The following ARHGEF1 variants were observed in gnomAD, a reference collection of about 807,000 sequenced individuals.
ARHGEF1 encodes Rho guanine nucleotide exchange factor 1.
Under a neutral mutation model 119.7 loss-of-function variants are expected in ARHGEF1, and 40 were observed. The ratio of observed to expected loss-of-function variants is 0.33; its 90% CI spans 0.26 to 0.44. The LOEUF is 0.44. ARHGEF1 is among the 20% of genes least tolerant of loss of function. The probability of loss-of-function intolerance (pLI) is 1.00; values close to 1 mark genes in which losing one functional copy is unlikely to be tolerated. For synonymous variants in ARHGEF1, 494 were observed against 521.0 expected (o/e 0.95, Z 0.71); for missense variants, 976 against 1,268.3 (o/e 0.77, Z 3.50).
At position 41,888,205 on chromosome 19, in the gene ARHGEF1, C is replaced by T. The variant is rs1555845552; in HGVS notation, c.38C>T (p.Pro13Leu). The change falls in exon 3 of 29, where the codon CCC becomes CTC. Residue 13 changes from proline (P) to leucine (L), a missense_variant. By Grantham distance (98) the Pro-to-Leu change is moderately conservative. This residue lies in a region of ARHGEF1 where 519 missense variants were observed against 580.9 expected (regional missense o/e 0.89). Transcript: ENST00000354532. The surrounding 1 kb of genome is among the most constrained non-coding windows in gnomAD (Gnocchi z 5.1). ...CCCTTTCCACAGGCCTCCCCAGGCC[C>T]CTCCCGGCCTGGCCTGGTTCCCGTC... ...DFARGAASPG[P>L]SRPGLVPVSI... 2 of 1,614,156 alleles carry T rather than the reference C, an allele frequency of 1.2e-6. No individual in the cohort carries two copies. Among genetic ancestry groups the T allele is most frequent in the Non-Finnish European group, 1.7e-6 (2 of 1,180,012 alleles).
chr19:41,888,723 A>G lies in ARHGEF1; in HGVS notation c.112-29A>G. 2 of 1,604,150 alleles carry G rather than the reference A, an allele frequency of 1.2e-6. No homozygotes were observed. Among genetic ancestry groups the G allele is most frequent in the Non-Finnish European group, 1.7e-6 (2 of 1,171,142 alleles). On this transcript the variant is annotated intron_variant, in intron 3 of 28. Transcript: ENST00000354532. The surrounding 1 kb of genome is among the most constrained non-coding windows in gnomAD (Gnocchi z 5.1). ...CCCTAAGGCCCCTCCTCTTCTCCCC[A>G]TTGTACTCACCCCTTCCTGCACCCC...
At position 41,884,514 on chromosome 19, in the gene ARHGEF1, C is replaced by T. The variant is rs527678172; in HGVS notation, c.-20+1225C>T. On this transcript the variant is annotated intron_variant, in intron 1 of 28. Transcript: ENST00000354532. ...AGCAGGTGAGGGACGCGGTCCCCAGCGGGTGTCAGACCCTGACTCTGCACG... is the reference window on the plus strand; with the variant it reads ...AGCAGGTGAGGGACGCGGTCCCCAGTGGGTGTCAGACCCTGACTCTGCACG... The T allele has an allele frequency of 4.4e-6, 7 of 1,605,786 alleles. No individual in the cohort carries two copies. In the East Asian group the frequency reaches 6.7e-5, roughly 15 times the overall value.
chr19:41,884,447 G>C (rs782579849), intron 1 of ARHGEF1: 1 of 1,605,662 alleles, frequency 6.2e-7, no homozygotes, highest in South Asian at 1.1e-5. Flanking sequence ...GAGCGCGGAG[G>C]CTTCGGTTCC....
downstream of ARHGEF1, chr19:41,909,882 TGTC>T: frequency 6.2e-7 from 1 of 1,612,714 alleles, no homozygotes; most frequent in Non-Finnish European, 8.5e-7. The surrounding 1 kb of genome is among the most constrained non-coding windows in gnomAD (Gnocchi z 5.2). Context: ...CGGCTCAGCT[TGTC>T]GTAATTCATG....
Position 41,906,008 on chromosome 19 carries a change from C to A in ARHGEF1, c.2474C>A (p.Ala825Asp). 6.2e-7 allele frequency: 1 copy of A among 1,614,022 alleles called. No homozygotes were observed. The highest frequency in any genetic ancestry group is 8.5e-7 in the Non-Finnish European group (1 of 1,179,970). ...CRPGPEGQLAATALRKVLSLK... is the reference protein window; with the variant it reads ...CRPGPEGQLADTALRKVLSLK... ...CCAGGCCCCGAGGGCCAGCTCGCTG[C>A]CACGGCCCTTCGGAAAGGTAGCCCA... The change falls in exon 26 of 29, where the codon GCC becomes GAC. Residue 825 changes from alanine to aspartate, a missense_variant. Ala to Asp is a moderately radical substitution (Grantham distance 126, BLOSUM62 -2). This residue lies in a region of ARHGEF1 where 171 missense variants were observed against 180.6 expected (regional missense o/e 0.95). Transcript: ENST00000354532. This position sits in a 1 kb window ranked among gnomAD's most constrained non-coding sequence, Gnocchi z 4.5.
chr19:41,909,842 C>T (rs376564893), downstream of ARHGEF1: 18 of 1,584,950 alleles, frequency 1.1e-5, no homozygotes, highest in African/African-American at 2.1e-4. This position sits in a 1 kb window ranked among gnomAD's most constrained non-coding sequence, Gnocchi z 5.2. Context: ...AGGTGGGATC[C>T]AGCCCCAAGC....
chr19:41,903,792 C>T lies in ARHGEF1; in HGVS notation c.1917+8C>T. The T allele has an allele frequency of 6.2e-7, 1 of 1,612,802 alleles. No homozygotes were observed. Among genetic ancestry groups the T allele is most frequent in the Non-Finnish European group, 8.5e-7 (1 of 1,179,886 alleles). On this transcript the variant is annotated splice_region_variant and intron_variant, in intron 20 of 28. Coordinates refer to ENST00000354532, the MANE Select transcript of ARHGEF1 (RefSeq NM_004706.4). The surrounding 1 kb of genome is among the most constrained non-coding windows in gnomAD (Gnocchi z 4.2). ...ATGCTGAGCGAGTTCAAGGTGTGAC[C>T]ATACCCTCCTGCCTCCCCCGCCCCC...
chr19:41,896,350 G>T, intron 12 of ARHGEF1, 27 bp from the exon 13 acceptor site: 3 of 1,255,146 alleles, frequency 2.4e-6, no homozygotes, highest in South Asian at 5.9e-5. Flanking sequence ...AGGCCTTCCA[G>T]CCAGCCCTGC....
At chr19:41,898,846 A>G (rs1230514847) in intron 14 of ARHGEF1, among the ~76,000 whole-genome samples, 3 of 152,216 alleles carry the variant, frequency 2.0e-5, no homozygotes, top group Non-Finnish European at 4.4e-5. Flanking sequence ...AGAACACTGC[A>G]TTTCTGGTGC....
At position 41,926,170 on chromosome 19, in the gene ARHGEF1, G is replaced by C. The variant is rs2074869450; in HGVS notation, c.141-2661G>C. 2.6e-5 allele frequency among the ~76,000 whole-genome samples: 4 copies of C among 152,006 alleles called. No individual in the cohort carries two copies. In the South Asian group the frequency reaches 8.3e-4, roughly 32 times the overall value. On this transcript the variant is annotated intron_variant, in intron 1 of 2. Coordinates refer to the ARHGEF1 transcript ENST00000594417. ...TGCAGGGATTCCAGTGGAAGGGGCA[G>C]ATTTTAGAGAACAGGTATTACCTGG...
In ARHGEF1 at chr19:41,905,468, G is replaced by A. The variant is rs1009099352; in HGVS notation, c.2336+207G>A. Reference sequence around the variant, plus strand: ...TGCATGCATGTGTGCGTGTGCATGTGTGTGCGTGTATGGTGTGTGTGTATG... The same window carrying A: ...TGCATGCATGTGTGCGTGTGCATGTATGTGCGTGTATGGTGTGTGTGTATG... On this transcript the variant is annotated intron_variant, in intron 24 of 28. Transcript: ENST00000354532. The surrounding 1 kb of genome is among the most constrained non-coding windows in gnomAD (Gnocchi z 6.4). The A allele has an allele frequency of 1.5e-5, 9 of 616,114 alleles. No individual in the cohort carries two copies. The highest frequency in any genetic ancestry group is 2.6e-5 in the Non-Finnish European group (9 of 350,958). The allele number at this position is 616,114 out of a possible 1,614,324, so 38.2% of individuals were successfully genotyped here.
intron 13 of ARHGEF1, chr19:41,897,314 G>A: frequency 7.9e-7 from 1 of 1,273,150 alleles, no homozygotes; most frequent in Non-Finnish European, 1.0e-6. Flanking sequence ...TCTCTCCCCA[G>A]AAGGTGGAAG....
chr19:41,908,801 T>G, downstream of ARHGEF1: 1 of 471,912 alleles, frequency 2.1e-6, no homozygotes, highest in Non-Finnish European at 3.2e-6. The surrounding 1 kb of genome is among the most constrained non-coding windows in gnomAD (Gnocchi z 6.7). Context: ...TCTTACCCCC[T>G]CATACAGCTT....
In ARHGEF1 at chr19:41,902,962, C is replaced by G; in HGVS notation, c.1738+64C>G. 7.4e-7 allele frequency: 1 copy of G among 1,359,844 alleles called. No individual in the cohort carries two copies. Among genetic ancestry groups the G allele is most frequent in the Non-Finnish European group, 9.9e-7 (1 of 1,006,054 alleles). 84.2% of individuals were successfully genotyped at this position (1,359,844 alleles called of 1,614,324 possible). On this transcript the variant is annotated intron_variant, in intron 18 of 28. Coordinates refer to ENST00000354532, the MANE Select transcript of ARHGEF1 (RefSeq NM_004706.4). The surrounding 1 kb of genome is among the most constrained non-coding windows in gnomAD (Gnocchi z 6.5). ...TTTTTTTTTTACATTTTTTTTCTCA[C>G]TCATTTTCATCAGTGATACCATCAC...
In ARHGEF1 at chr19:41,888,227, C is replaced by T. The variant is rs782652983; in HGVS notation, c.60C>T (p.Pro20=). ...GCCCCTCCCGGCCTGGCCTGGTTCC[C>T]GTCAGCATCATCGGGGCTGAGGATG... ...SPGPSRPGLV[P]VSIIGAEDED... The change falls in exon 3 of 29, where the codon CCC becomes CCT. Residue 20 remains proline (P), a synonymous_variant. Transcript: ENST00000354532. This position sits in a 1 kb window ranked among gnomAD's most constrained non-coding sequence, Gnocchi z 5.1. The T allele has an allele frequency of 1.1e-5, 17 of 1,613,932 alleles. No homozygotes were observed. Among genetic ancestry groups the T allele is most frequent in the Middle Eastern group, 1.6e-4 (1 of 6,082 alleles).
At chr19:41,897,346 G>T (rs781867501) in intron 13 of ARHGEF1, 2 of 1,257,172 alleles carry the variant, frequency 1.6e-6, no homozygotes, top group African/African-American at 3.1e-5. Context: ...TGGGCCCTGG[G>T]TGGGGGAAGG....
intron 4 of ARHGEF1, chr19:41,890,429 T>G (rs782802028): frequency 6.6e-6 from 1 of 151,148 alleles, no homozygotes; most frequent in Non-Finnish European, 1.5e-5. Flanking sequence ...GTAGATCACT[T>G]GAGATCAAGA....
chr19:41,890,017 C>A (rs534101948), intron 4 of ARHGEF1: 1 of 152,134 alleles, frequency 6.6e-6, no homozygotes, highest in East Asian at 1.9e-4. Flanking sequence ...GTGACCCCGG[C>A]GGCCTCTGGG....
At chr19:41,915,142 C>G (rs1184386797) in intron 18 of ARHGEF1, among the ~76,000 whole-genome samples, 12 of 121,158 alleles carry the variant, frequency 9.9e-5, no homozygotes, top group African/African-American at 4.0e-4. Flanking sequence ...GCCCCCACCC[C>G]CTATTGGCCC....
Sources: gnomAD v4.1 joint callset for allele counts (sites outside exome capture counted in the v4.1 genomes callset) on GRCh38, gnomAD v4.1.1 for gene constraint, gnomAD v4.1.1 regional missense constraint, Gnocchi (gnomAD v3.1) non-coding constraint, MANE v1.5 for transcripts, NCBI Gene and HGNC (gene_info 2026-07-23, HGNC 2026-07-21) for gene names.